The following RORB variants were observed in gnomAD, a reference collection of about 807,000 sequenced individuals.
RORB encodes the protein nuclear receptor ROR-beta.
Under a neutral mutation model 59.1 loss-of-function variants are expected in RORB, and 6 were observed. The ratio of observed to expected loss-of-function variants is 0.10; its 90% confidence interval spans 0.06 to 0.20. The LOEUF (loss-of-function observed/expected upper bound fraction) is 0.20. Ranked by LOEUF, RORB falls within the 10% of genes least tolerant of loss-of-function variation. The pLI is 1.00. For missense variants in RORB, 320 were observed against 560.5 expected (o/e 0.57, Z 4.33); for synonymous variants, 215 against 204.5 (o/e 1.05, Z -0.44).
intron 1 of RORB, among the ~76,000 whole-genome samples, chr9:74,598,286 G>T (rs1345669316): frequency 6.6e-6 from 1 of 152,014 alleles, no homozygotes; most frequent in East Asian, 1.9e-4. Context: ...TCTACTAGGA[G>T]ATCATCTTTT....
At chr9:74,509,612 C>G (rs561719312) in intron 1 of RORB, among the ~76,000 whole-genome samples, 106 of 152,158 alleles carry the variant, frequency 7.0e-4, no homozygotes, top group Admixed American at 1.0e-3. Context: ...GGCGGGTTCT[C>G]TATCTTCAGC....
chr9:74,499,097 T>G lies in RORB; in HGVS notation c.7+1114T>G, dbSNP rs7034375. 4.6e-5 allele frequency: 7 copies of G among 151,936 alleles called. No individual in the cohort carries two copies. In the East Asian group the frequency reaches 1.4e-3, roughly 30 times the overall value. The allele number at this position is 151,936 out of a possible 1,614,324, so 9.4% of individuals were successfully genotyped here. ...GCAAGCTCTGGGCACCCACCCCCAC[T>G]CCCAGTCCCTCTTCCTGGCCACACA... On this transcript the variant is annotated intron_variant, in intron 1 of 9. Coordinates refer to ENST00000376896, the MANE Select transcript of RORB (RefSeq NM_006914.4).
intron 1 of RORB, among the ~76,000 whole-genome samples, chr9:74,558,585 C>T (rs1822344750): frequency 6.6e-6 from 1 of 152,184 alleles, no homozygotes; most frequent in Non-Finnish European, 1.5e-5. Flanking sequence ...TTGAGTGGAT[C>T]ACAGTACCTG....
intron 9 of RORB, among the ~76,000 whole-genome samples, chr9:74,672,103 G>A (rs1478821738): frequency 6.6e-6 from 1 of 152,118 alleles, no homozygotes; most frequent in Non-Finnish European, 1.5e-5. Flanking sequence ...ATAGAGGGAT[G>A]ATATTGACAG....
chr9:74,674,612 TA>T (rs142361928), intron 9 of RORB, among the ~76,000 whole-genome samples: 1,538 of 152,330 alleles, frequency 0.01, 35 homozygotes, highest in African/African-American at 0.035. Flanking sequence ...AAAGTTCAGG[TA>T]GCAGTGCCTT....
intron 1 of RORB, among the ~76,000 whole-genome samples, chr9:74,513,740 ATTTTC>A (rs1825972290): frequency 6.6e-6 from 1 of 152,070 alleles, no homozygotes; most frequent in African/African-American, 2.4e-5. Flanking sequence ...GAGTTTATAC[ATTTTC>A]TTTTCAAATG....
At chr9:74,560,901 A>C (rs771354102) in intron 1 of RORB, among the ~76,000 whole-genome samples, 12 of 152,102 alleles carry the variant, frequency 7.9e-5, no homozygotes. Flanking sequence ...GTTTGCCTTC[A>C]TTCTATCTGA....
intron 1 of RORB, among the ~76,000 whole-genome samples, chr9:74,572,805 A>G (rs1462816986): frequency 6.6e-6 from 1 of 152,210 alleles, no homozygotes; most frequent in East Asian, 1.9e-4. Flanking sequence ...ACATGACAAT[A>G]TAAGTTAAAA....
At chr9:74,498,386 G>A (rs577683050) in intron 1 of RORB, 1 of 191,006 alleles carries the variant, frequency 5.2e-6, no homozygotes, top group Admixed American at 5.8e-5. Context: ...GGCCGGGTTT[G>A]GGCGCGCGGG....
intron 1 of RORB, among the ~76,000 whole-genome samples, chr9:74,512,723 G>T (rs569197405): frequency 3.9e-5 from 6 of 152,036 alleles, no homozygotes; most frequent in Admixed American, 6.6e-5. Flanking sequence ...CTATATGAAG[G>T]TTTTCCGAAT....
intron 1 of RORB, among the ~76,000 whole-genome samples, chr9:74,590,952 G>C (rs1432108537): frequency 1.3e-5 from 2 of 151,876 alleles, no homozygotes. Context: ...CATGCCACCA[G>C]GCCCAGCTAA....
rs576887905 is a variant in RORB at position 74,564,585 on chromosome 9, C to G, written c.8-65697C>G. 1.1e-3 allele frequency among the ~76,000 whole-genome samples: 174 copies of G among 152,180 alleles called. 1 individual carries two copies. Among genetic ancestry groups the G allele is most frequent in the African/African-American group, 3.9e-3 (163 of 41,526 alleles). On this transcript the variant is annotated intron_variant, in intron 1 of 9. Coordinates refer to ENST00000376896, the MANE Select transcript of RORB (RefSeq NM_006914.4). The stretch of plus-strand genomic sequence containing the variant: ...TCTCTTGGTTGCTCTGTTTTTCTTC[C>G]CCATTTGCATTTCTGCAGTCATTAC...
At chr9:74,661,506 AAC>A (rs2118513189) in intron 5 of RORB, among the ~76,000 whole-genome samples, 1 of 152,302 alleles carries the variant, frequency 6.6e-6, no homozygotes, top group East Asian at 1.9e-4. Context: ...AATTAGAATT[AAC>A]ACACATAGAT....
intron 1 of RORB, among the ~76,000 whole-genome samples, chr9:74,518,040 C>T (rs1341789002): frequency 6.6e-6 from 1 of 151,940 alleles, no homozygotes; most frequent in Non-Finnish European, 1.5e-5. Flanking sequence ...GATTTTAATT[C>T]AGATTTTTAA....
intron 1 of RORB, among the ~76,000 whole-genome samples, chr9:74,535,757 A>C (rs1826313342): frequency 6.6e-6 from 1 of 152,058 alleles, no homozygotes; most frequent in African/African-American, 2.4e-5. Flanking sequence ...AAATTGGGGA[A>C]TTGCTAAAAA....
intron 1 of RORB, among the ~76,000 whole-genome samples, chr9:74,551,357 G>T (rs1280899037): frequency 6.6e-6 from 1 of 152,120 alleles, no homozygotes; most frequent in Non-Finnish European, 1.5e-5. Flanking sequence ...AATAAAAGAA[G>T]GGTGACTTGA....
intron 1 of RORB, among the ~76,000 whole-genome samples, chr9:74,549,799 C>T (rs1386726802): frequency 6.6e-6 from 1 of 152,016 alleles, no homozygotes; most frequent in Non-Finnish European, 1.5e-5. Flanking sequence ...GCGATCTGGG[C>T]TCACTGCGAC....
intron 1 of RORB, among the ~76,000 whole-genome samples, chr9:74,536,621 C>T (rs1349367976): frequency 1.3e-5 from 2 of 152,018 alleles, no homozygotes; most frequent in Non-Finnish European, 2.9e-5. Flanking sequence ...ATTGTTCACT[C>T]TGACTGTCCC....
intron 3 of RORB, among the ~76,000 whole-genome samples, chr9:74,636,652 T>A (rs1268477842): frequency 1.3e-5 from 2 of 152,156 alleles, no homozygotes; most frequent in African/African-American, 4.8e-5. Context: ...GAATAATGAT[T>A]CATTTCAACT....
Sources: gnomAD v4.1 joint callset for allele counts (sites outside exome capture counted in the v4.1 genomes callset) on GRCh38, gnomAD v4.1.1 for gene constraint, MANE v1.5 for transcripts, NCBI Gene and HGNC (gene_info 2026-07-23, HGNC 2026-07-21) for gene names.